SIL1: variants seen among roughly 807,000 people sequenced by gnomAD.
The protein encoded by SIL1 is nucleotide exchange factor SIL1.
SIL1 carries 40 observed loss-of-function variants against 49.1 expected under a neutral mutation model. The observed-to-expected ratio is 0.81, with a 90% CI of 0.63 to 1.06. The LOEUF is 1.06. Among genes scored for constraint, SIL1 ranks in the 50% least tolerant of loss-of-function variants. The pLI is 0.00. For synonymous variants in SIL1, 253 were observed against 250.8 expected (o/e 1.01, Z -0.08); for missense variants, 500 against 572.6 (o/e 0.87, Z 1.29).
intron 1 of SIL1, among the ~76,000 whole-genome samples, chr5:139,184,112 G>A (rs1177509240): frequency 6.6e-6 from 1 of 152,180 alleles, no homozygotes; most frequent in African/African-American, 2.4e-5. Context: ...GGACAGGCCT[G>A]TGTAACTAAG....
At position 139,033,893 on chromosome 5, in the gene SIL1, T is replaced by G. The variant is rs199722682; in HGVS notation, c.454-6901A>C. On this transcript the variant is annotated intron_variant, in intron 5 of 9. Transcript: ENST00000394817. Reference sequence around the variant, plus strand: ...CCTTACTGATCCGCTGTCTAGTAGTTCTAGCAATTCTGAGAAAGGGATGTT... The same window carrying G: ...CCTTACTGATCCGCTGTCTAGTAGTGCTAGCAATTCTGAGAAAGGGATGTT... Among the ~76,000 whole-genome samples the G allele has an allele frequency of 8.5e-5, 13 of 152,348 alleles. No homozygotes were observed. The East Asian group carries it at 1.5e-3, about 18-fold the overall frequency.
At chr5:139,125,919 C>A (rs1436056073) in intron 2 of SIL1, among the ~76,000 whole-genome samples, 1 of 152,190 alleles carries the variant, frequency 6.6e-6, no homozygotes, top group African/African-American at 2.4e-5. Flanking sequence ...GGAAAGCTGG[C>A]TCCAGATCAT....
chr5:138,985,982 T>C (rs1767642912), intron 7 of SIL1, among the ~76,000 whole-genome samples: 1 of 152,188 alleles, frequency 6.6e-6, no homozygotes. Flanking sequence ...ATCATCCTAA[T>C]GGACTTTGTG....
intron 7 of SIL1, among the ~76,000 whole-genome samples, chr5:138,994,533 T>C (rs1767822579): frequency 1.3e-5 from 2 of 152,222 alleles, no homozygotes; most frequent in South Asian, 2.1e-4. Context: ...TTCTCATAAA[T>C]TAATCTATAC....
chr5:139,165,296 G>C lies in SIL1; in HGVS notation c.-11+32973C>G, dbSNP rs548444430. Among the ~76,000 whole-genome samples, 3 of 152,258 alleles carry C rather than the reference G, an allele frequency of 2.0e-5. No homozygotes were observed. The South Asian group carries it at 6.2e-4, about 32-fold the overall frequency. On this transcript the variant is annotated intron_variant, in intron 1 of 9. Coordinates refer to ENST00000394817, the MANE Select transcript of SIL1 (RefSeq NM_022464.5). ...AATGTTTAAATTTACCTATAGCCTG[G>C]AAGCCCCCACTTTGAGTTGTCCCAC...
At chr5:138,959,321 A>C (rs546057953) in intron 7 of SIL1, among the ~76,000 whole-genome samples, 1 of 152,382 alleles carries the variant, frequency 6.6e-6, no homozygotes, top group Non-Finnish European at 1.5e-5. Context: ...AACTAGAGTC[A>C]ATGCTCAACC....
At position 139,173,448 on chromosome 5, in the gene SIL1, G is replaced by A. The variant is rs141947477; in HGVS notation, c.-11+24821C>T. Among the ~76,000 whole-genome samples, 312 of 152,164 alleles carry A rather than the reference G, an allele frequency of 2.1e-3. 2 individuals carry two copies. Among genetic ancestry groups the A allele is most frequent in the Middle Eastern group, 0.014 (4 of 294 alleles). ...GCCTATAATCCCAGCTACTCAGGAG[G>A]CTGAGGCAAGAGAATTGCTTGAACC... On this transcript the variant is annotated intron_variant, in intron 1 of 9. Transcript: ENST00000394817.
chr5:139,032,328 G>C (rs949416701), intron 5 of SIL1, among the ~76,000 whole-genome samples: 102 of 152,162 alleles, frequency 6.7e-4, no homozygotes, highest in African/African-American at 2.4e-3. Context: ...AAGATGATGT[G>C]ATTTTTCTTC....
intron 1 of SIL1, among the ~76,000 whole-genome samples, chr5:139,188,772 C>CAAG: frequency 6.6e-6 from 1 of 152,208 alleles, no homozygotes; most frequent in East Asian, 1.9e-4. Flanking sequence ...ATAAGGAGAA[C>CAAG]ATACTATCTG....
At chr5:139,167,648 C>T (rs1250407005) in intron 1 of SIL1, among the ~76,000 whole-genome samples, 1 of 152,112 alleles carries the variant, frequency 6.6e-6, no homozygotes, top group Non-Finnish European at 1.5e-5. Context: ...TAAGCTACAG[C>T]TACATTTATT....
At chr5:139,056,706 C>A (rs1450644404) in intron 3 of SIL1, among the ~76,000 whole-genome samples, 1 of 151,024 alleles carries the variant, frequency 6.6e-6, no homozygotes, top group South Asian at 2.1e-4. Context: ...GGGCGTCAGC[C>A]CCCCGCCCGG....
rs142596481 is a variant in SIL1 at position 139,043,237 on chromosome 5, C to T, written c.354-518G>A. ...GCATGGGGCAGACAGAAGCCATCCA[C>T]GAACAGAGGGCTCTCAGCCAGCTTC... On this transcript the variant is annotated intron_variant, in intron 4 of 9. Coordinates refer to ENST00000394817, the MANE Select transcript of SIL1 (RefSeq NM_022464.5). Among the ~76,000 whole-genome samples the T allele has an allele frequency of 2.8e-3, 428 of 152,282 alleles. 3 individuals carry two copies. The highest frequency in any genetic ancestry group is 9.6e-3 in the African/African-American group (399 of 41,548).
At chr5:138,960,009 G>A (rs1766984289) in intron 7 of SIL1, among the ~76,000 whole-genome samples, 1 of 152,110 alleles carries the variant, frequency 6.6e-6, no homozygotes, top group Non-Finnish European at 1.5e-5. Context: ...TTGTCAGGAG[G>A]CAAAAAGCAA....
In SIL1 at chr5:139,181,494, A is replaced by C. The variant is rs145032689; in HGVS notation, c.-11+16775T>G. Among the ~76,000 whole-genome samples the C allele has an allele frequency of 7.3e-3, 1,119 of 152,330 alleles. 16 individuals are homozygous for C. Among genetic ancestry groups the C allele is most frequent in the African/African-American group, 0.024 (1,018 of 41,568 alleles). ...ACAGCACACACCATCACAAGAGAAG[A>C]AGCACAGGAAAATGCATTCCTCCAC... On this transcript the variant is annotated intron_variant, in intron 1 of 9. Coordinates refer to ENST00000394817, the MANE Select transcript of SIL1 (RefSeq NM_022464.5).
intron 7 of SIL1, among the ~76,000 whole-genome samples, chr5:139,011,200 T>C (rs1189456593): frequency 6.6e-6 from 1 of 151,064 alleles, no homozygotes; most frequent in Admixed American, 6.6e-5. Flanking sequence ...AAAAGCGCAA[T>C]ATTCGGGTGG....
intron 3 of SIL1, among the ~76,000 whole-genome samples, chr5:139,083,295 A>T (rs1770133970): frequency 1.3e-5 from 2 of 152,216 alleles, no homozygotes; most frequent in South Asian, 4.1e-4. Context: ...CATTATTTTT[A>T]AAAAATCAAA....
intron 3 of SIL1, among the ~76,000 whole-genome samples, chr5:139,089,284 C>CA (rs1770291294): frequency 1.3e-5 from 2 of 152,214 alleles, no homozygotes; most frequent in African/African-American, 4.8e-5. Flanking sequence ...ACTCACTACT[C>CA]AATCACTAGT....
chr5:139,153,821 T>G (rs114933423), intron 1 of SIL1, among the ~76,000 whole-genome samples: 1,666 of 152,352 alleles, frequency 0.011, 29 homozygotes, highest in African/African-American at 0.038. Context: ...TATCGGAATG[T>G]AGGTGTTGTT....
intron 7 of SIL1, among the ~76,000 whole-genome samples, chr5:139,009,327 C>T (rs1177378132): frequency 7.0e-6 from 1 of 142,594 alleles, no homozygotes; most frequent in Admixed American, 7.2e-5. Flanking sequence ...AGATCTTCCT[C>T]CATCCTTTTA....
Sources: gnomAD v4.1 joint callset for allele counts (sites outside exome capture counted in the v4.1 genomes callset) on GRCh38, gnomAD v4.1.1 for gene constraint, MANE v1.5 for transcripts, NCBI Gene and HGNC (gene_info 2026-07-23, HGNC 2026-07-21) for gene names.